TUBA3D: variants seen among roughly 807,000 people sequenced by gnomAD.
The protein encoded by TUBA3D is tubulin alpha-3D chain.
In TUBA3D, 24 loss-of-function variants were observed where a neutral mutation model predicts 36.1. That is an observed-to-expected ratio of 0.66 (90% CI 0.48 to 0.93). TUBA3D has a LOEUF of 0.93. Ranked by LOEUF, TUBA3D falls within the 40% of genes least tolerant of loss-of-function variation. The probability of loss-of-function intolerance (pLI) is 0.00; values close to 1 mark genes in which losing one functional copy is unlikely to be tolerated. For synonymous variants in TUBA3D, 185 were observed against 247.2 expected, an observed-to-expected ratio of 0.75 and a Z score of 2.36; for missense variants, 356 against 614.5, an observed-to-expected ratio of 0.58 and a Z score of 4.45.
chr2:131,476,445 C>T (rs1678669690), intron 1 of TUBA3D, among the ~76,000 whole-genome samples: 1 of 152,140 alleles, frequency 6.6e-6, no homozygotes. Context: ...GACGGTGTCC[C>T]GTCCCCCAGA....
At chr2:131,477,692 A>G (rs1678719259) in intron 1 of TUBA3D, among the ~76,000 whole-genome samples, 1 of 151,180 alleles carries the variant, frequency 6.6e-6, no homozygotes, top group South Asian at 2.1e-4. Context: ...GTGGTGAATG[A>G]TGGACGGGGT....
At chr2:131,479,498 A>AG in intron 3 of TUBA3D, 42 bp downstream of exon 3, 1 of 1,604,736 alleles carries the variant, frequency 6.2e-7, no homozygotes, top group South Asian at 1.1e-5. Flanking sequence ...CTTGCATGGG[A>AG]GGGGTAGTTC....
chr2:131,479,252 C>T (rs1678769353), intron 2 of TUBA3D, 56 bp from the exon 3 acceptor site: 4 of 1,585,210 alleles, frequency 2.5e-6, no homozygotes, highest in Non-Finnish European at 1.7e-6. Context: ...TGGAATGTGT[C>T]CATCTTGGTG....
chr2:131,482,750 T>A lies in TUBA3D; in HGVS notation c.1255T>A (p.Ser419Thr), dbSNP rs370957150. 50 of 1,614,018 alleles carry A rather than the reference T, an allele frequency of 3.1e-5. 1 individual carries two copies. The South Asian group carries it at 4.9e-4, about 16-fold the overall frequency. Residue 419 changes from serine to threonine, a missense_variant, in exon 5 of 5, where the codon TCT becomes ACT. By Grantham distance (58) the Ser-to-Thr change is moderately conservative. This residue lies in a region of TUBA3D where 156 missense variants were observed against 219.8 expected (regional missense o/e 0.71). Transcript: ENST00000321253. ...CGAAGGCATGGAAGAGGGAGAGTTCTCTGAGGCCCGCGAGGACCTGGCAGC... is the reference window on the plus strand; with the variant it reads ...CGAAGGCATGGAAGAGGGAGAGTTCACTGAGGCCCGCGAGGACCTGGCAGC... The part of the protein sequence containing the change: ...VGEGMEEGEF[S>T]EAREDLAALE...
intron 4 of TUBA3D, among the ~76,000 whole-genome samples, chr2:131,482,162 A>G (rs1217244138): frequency 6.6e-6 from 1 of 152,182 alleles, no homozygotes; most frequent in African/African-American, 2.4e-5. Flanking sequence ...TTGTGATAGC[A>G]TGGGGAAGAG....
rs752428849 is a variant in TUBA3D at position 131,480,421 on chromosome 2, G to A, written c.728G>A (p.Arg243Gln). 1.1e-5 allele frequency: 18 copies of A among 1,588,352 alleles called. No individual in the cohort carries two copies. In the East Asian group the frequency reaches 2.7e-4, roughly 24 times the overall value. The change falls in exon 4 of 5, where the codon CGA becomes CAA. Residue 243 changes from arginine to glutamine, a missense_variant. By Grantham distance (43) the Arg-to-Gln change is conservative. This residue lies in a region of TUBA3D where 91 missense variants were observed against 240.9 expected (regional missense o/e 0.38). Coordinates refer to ENST00000321253, the MANE Select transcript of TUBA3D (RefSeq NM_080386.4). ...QIVSSITASL[R>Q]FDGALNVDLT... ...GTGTCCTCCATCACAGCCTCCCTGC[G>A]ATTTGATGGGGCCCTGAATGTGGAC...
Position 131,479,162 on chromosome 2 carries a change from A to G in TUBA3D, c.227-146A>G. ...TGGTTATCACACAGAGACATTTTCT[A>G]CCAGACACTGCCACTGTTGACCTAT... On this transcript the variant is annotated intron_variant, in intron 2 of 4. Transcript: ENST00000321253. 3.0e-6 allele frequency: 4 copies of G among 1,348,372 alleles called. No individual in the cohort carries two copies. The South Asian group carries it at 6.9e-5, about 23-fold the overall frequency. 83.5% of individuals were successfully genotyped at this position (1,348,372 alleles called of 1,614,324 possible).
At chr2:131,479,223 C>T in intron 2 of TUBA3D, 85 bp from the exon 3 acceptor site, 24 of 1,544,240 alleles carry the variant, frequency 1.6e-5, no homozygotes, top group Non-Finnish European at 2.1e-5. Context: ...AGCATGTGCT[C>T]TGTAGAAGTG....
chr2:131,480,811 C>T (rs1432443406), intron 4 of TUBA3D, 62 bp downstream of exon 4: 41 of 1,569,590 alleles, frequency 2.6e-5, no homozygotes, highest in South Asian at 1.9e-4. Flanking sequence ...AACACTGGCC[C>T]TGAAGGCCCA....
Position 131,482,881 on chromosome 2 carries a change from C to T in TUBA3D, c.*33C>T, listed in dbSNP as rs1222668068. On this transcript the variant is annotated 3_prime_UTR_variant, in exon 5 of 5. Coordinates refer to ENST00000321253, the MANE Select transcript of TUBA3D (RefSeq NM_080386.4). ...GTGTGGTGGGTTCTCCCCTGCCACC[C>T]CCGGGATGGCTGCTTCCAAGTTGTT... 3.1e-6 allele frequency: 5 copies of T among 1,594,298 alleles called. No individual in the cohort carries two copies. The Admixed American group carries it at 8.6e-5, about 27-fold the overall frequency.
chr2:131,482,785 G>A lies in TUBA3D; in HGVS notation c.1290G>A (p.Lys430=). 6.2e-7 allele frequency: 1 copy of A among 1,614,234 alleles called. No homozygotes were observed. Among genetic ancestry groups the A allele is most frequent in the South Asian group, 1.1e-5 (1 of 91,090 alleles). ...EAREDLAALE[K]DYEEVGVDSV... ...GCGAGGACCTGGCAGCTCTAGAGAAGGATTATGAAGAGGTGGGCGTGGATT... is the reference window on the plus strand; with the variant it reads ...GCGAGGACCTGGCAGCTCTAGAGAAAGATTATGAAGAGGTGGGCGTGGATT... Residue 430 remains lysine, a synonymous_variant, in exon 5 of 5, where the codon AAG becomes AAA. Coordinates refer to ENST00000321253, the MANE Select transcript of TUBA3D (RefSeq NM_080386.4).
In TUBA3D at chr2:131,482,784, A is replaced by G; in HGVS notation, c.1289A>G (p.Lys430Arg). 3.1e-6 allele frequency: 5 copies of G among 1,613,724 alleles called. No homozygotes were observed. The highest frequency in any genetic ancestry group is 4.2e-6 in the Non-Finnish European group (5 of 1,179,618). The change falls in exon 5 of 5, where the codon AAG becomes AGG. Residue 430 changes from lysine (K) to arginine (R), a missense_variant. By Grantham distance (26) the Lys-to-Arg change is conservative. Around this residue, in one of 3 missense-constraint regions of TUBA3D, gnomAD observed 156 missense variants for 219.8 expected, o/e 0.71. Coordinates refer to ENST00000321253, the MANE Select transcript of TUBA3D (RefSeq NM_080386.4). ...CGCGAGGACCTGGCAGCTCTAGAGAAGGATTATGAAGAGGTGGGCGTGGAT... is the reference window on the plus strand; with the variant it reads ...CGCGAGGACCTGGCAGCTCTAGAGAGGGATTATGAAGAGGTGGGCGTGGAT... ...EAREDLAALE[K>R]DYEEVGVDSV...
At chr2:131,478,072 G>A (rs2695520) in intron 1 of TUBA3D, 92 bp from the exon 2 acceptor site, 5 of 1,509,154 alleles carry the variant, frequency 3.3e-6, no homozygotes. Context: ...TACTGAAGCA[G>A]TATATAAATA....
rs2104725925 is a variant in TUBA3D, at chr2:131,480,687, A to G, written c.994A>G (p.Ile332Val). ...DVVPKDVNAA[I>V]ATIKTKRTIQ... ...GGTCCCCAAAGACGTCAACGCGGCC[A>G]TCGCCACCATCAAGACCAAGCGCAC... The change falls in exon 4 of 5, where the codon ATC (isoleucine) becomes GTC (valine). Residue 332 changes from isoleucine (I) to valine (V), a missense_variant. By Grantham distance (29) the Ile-to-Val change is conservative. Coordinates refer to ENST00000321253, the MANE Select transcript of TUBA3D (RefSeq NM_080386.4). 6.2e-7 allele frequency: 1 copy of G among 1,613,740 alleles called. No individual in the cohort carries two copies. The highest frequency in any genetic ancestry group is 8.5e-7 in the Non-Finnish European group (1 of 1,179,960).
Position 131,476,225 on chromosome 2 carries a change from C to T in TUBA3D, c.3+23C>T. On this transcript the variant is annotated intron_variant, in intron 1 of 4. Transcript: ENST00000321253. ...ATGGTAAGGCCCGGGTCACTCCCGC[C>T]CCGCAGATGCCCAGGCAGACGAAGT... The T allele has an allele frequency of 1.9e-6, 3 of 1,613,902 alleles. 1 individual carries two copies. The South Asian group carries it at 3.3e-5, about 18-fold the overall frequency.
chr2:131,480,323 T>C lies in TUBA3D; in HGVS notation c.630T>C (p.Tyr210=), dbSNP rs1429887582. ...TCATGGTCGACAATGAAGCCATCTA[T>C]GACATATGTCGGCGCAACCTGGACA... ...CAFMVDNEAI[Y]DICRRNLDIE... Residue 210 remains tyrosine (Y), a synonymous_variant, in exon 4 of 5, where the codon TAT becomes TAC. Transcript: ENST00000321253. The C allele has an allele frequency of 6.2e-7, 1 of 1,612,912 alleles. No homozygotes were observed. The highest frequency in any genetic ancestry group is 8.5e-7 in the Non-Finnish European group (1 of 1,180,032).
intron 1 of TUBA3D, 69 bp downstream of exon 1, chr2:131,476,271 G>T: frequency 6.2e-7 from 1 of 1,611,718 alleles, no homozygotes; most frequent in Non-Finnish European, 8.5e-7. Context: ...TGGACAGAGG[G>T]ACGTTGTTGC....
intron 2 of TUBA3D, chr2:131,478,736 C>T (rs1009067051): frequency 5.5e-5 from 21 of 380,632 alleles, no homozygotes; most frequent in African/African-American, 3.2e-4. Flanking sequence ...TGCTGGTGCA[C>T]TAGAGTCTTG....
chr2:131,479,799 T>C (rs7424497), intron 3 of TUBA3D, among the ~76,000 whole-genome samples: 25,825 of 152,000 alleles, frequency 0.17, 3,997 homozygotes, highest in African/African-American at 0.41. Context: ...GAGATTGCAC[T>C]ACTGCACTCT....
Sources: gnomAD v4.1 joint callset for allele counts (sites outside exome capture counted in the v4.1 genomes callset) on GRCh38, gnomAD v4.1.1 for gene constraint, gnomAD v4.1.1 regional missense constraint, MANE v1.5 for transcripts, NCBI Gene and HGNC (gene_info 2026-07-23, HGNC 2026-07-21) for gene names.